TRIM2: variants seen among roughly 807,000 people sequenced by gnomAD.
TRIM2 encodes the protein tripartite motif-containing protein 2.
A neutral mutation model predicts 75.2 loss-of-function variants in TRIM2; 20 were observed. The ratio of observed to expected loss-of-function variants is 0.27; its 90% CI spans 0.19 to 0.39. The LOEUF (loss-of-function observed/expected upper bound fraction) is 0.39. TRIM2 is among the 10% of genes least tolerant of loss of function. The pLI is 1.00. For missense variants in TRIM2, 660 were observed against 990.8 expected, an observed-to-expected ratio of 0.67 and a Z score of 4.48; for synonymous variants, 373 against 388.3, an observed-to-expected ratio of 0.96 and a Z score of 0.46.
At position 153,295,334 on chromosome 4, in the gene TRIM2, A is replaced by C; in HGVS notation, c.808A>C (p.Thr270Pro). The change falls in exon 6 of 12, where the codon ACT (threonine) becomes CCT (proline). Residue 270 changes from threonine (T) to proline (P), a missense_variant. Physicochemically the swap from Thr to Pro is conservative, Grantham distance 38 (BLOSUM62 -1). Around this residue, in one of 2 missense-constraint regions of TRIM2, gnomAD observed 620 missense variants for 891.0 expected, o/e 0.70. Transcript: ENST00000338700. This position sits in a 1 kb window ranked among gnomAD's most constrained non-coding sequence, Gnocchi z 7.2. ...GCAGGTCCTCCAGTCGCAGCTGGAT[A>C]CTCTGCTCCAGGGGCAGGAGAGCAT... ...KHKVLQSQLD[T>P]LLQGQESIKS... 1 of 1,607,310 alleles carries C rather than the reference A, an allele frequency of 6.2e-7. No individual in the cohort carries two copies. Among genetic ancestry groups the C allele is most frequent in the Non-Finnish European group, 8.5e-7 (1 of 1,176,524 alleles).
intron 1 of TRIM2, among the ~76,000 whole-genome samples, chr4:153,239,431 C>T (rs1167956116): frequency 1.3e-5 from 2 of 151,474 alleles, no homozygotes; most frequent in Non-Finnish European, 2.9e-5. Context: ...CTCTCTCTCT[C>T]TCTCTCTCTC....
chr4:153,209,376 G>A (rs1343284872), intron 1 of TRIM2, among the ~76,000 whole-genome samples: 1 of 152,140 alleles, frequency 6.6e-6, no homozygotes, highest in Admixed American at 6.6e-5. Context: ...AACTCAACTG[G>A]AATTGCACTC....
chr4:153,204,454 G>T lies in TRIM2; in HGVS notation c.-77G>T. ...CCACCCTTTAACTCGGCAGCTTGAT[G>T]ACTATAATGGGCCCAGTTGTCTGCG... On this transcript the variant is annotated 5_prime_UTR_variant, in exon 1 of 12. The change abolishes an upstream ATG in the 5' untranslated region. Coordinates refer to ENST00000338700, the MANE Select transcript of TRIM2 (RefSeq NM_015271.5). 7 of 1,522,224 alleles carry T rather than the reference G, an allele frequency of 4.6e-6. No homozygotes were observed. Among genetic ancestry groups the T allele is most frequent in the Non-Finnish European group, 6.2e-6 (7 of 1,120,644 alleles). The allele number at this position is 1,522,224 out of a possible 1,614,324, so 94.3% of individuals were successfully genotyped here. A position where few individuals can be genotyped will look rare whatever the true frequency, so the allele number is the denominator to read the frequency against.
At chr4:153,214,326 C>T (rs1737901131) in intron 1 of TRIM2, among the ~76,000 whole-genome samples, 1 of 152,198 alleles carries the variant, frequency 6.6e-6, no homozygotes, top group Non-Finnish European at 1.5e-5. Context: ...GCATAGCCTC[C>T]AATAACCTGC....
At chr4:153,264,076 G>A (rs951956236) in intron 1 of TRIM2, among the ~76,000 whole-genome samples, 3 of 152,184 alleles carry the variant, frequency 2.0e-5, no homozygotes, top group African/African-American at 7.2e-5. Context: ...GCAGTGCTAG[G>A]TAACTGGTGG....
chr4:153,290,254 G>A (rs1312466460), intron 3 of TRIM2, among the ~76,000 whole-genome samples: 2 of 152,160 alleles, frequency 1.3e-5, no homozygotes, highest in Non-Finnish European at 2.9e-5. Flanking sequence ...CTTGGATTAA[G>A]AATTTTTTTC....
At chr4:153,263,773 C>A (rs1192264102) in intron 1 of TRIM2, among the ~76,000 whole-genome samples, 1 of 152,212 alleles carries the variant, frequency 6.6e-6, no homozygotes, top group Non-Finnish European at 1.5e-5. Flanking sequence ...AGGGTGCCCC[C>A]ATGGTGGGTT....
At chr4:153,218,600 C>T (rs1739119361) in intron 1 of TRIM2, among the ~76,000 whole-genome samples, 1 of 152,164 alleles carries the variant, frequency 6.6e-6, no homozygotes, top group South Asian at 2.1e-4. Flanking sequence ...TACATCCTTT[C>T]CATCTTTTAG....
chr4:153,193,565 C>G (rs1733453036), intron 1 of TRIM2, among the ~76,000 whole-genome samples: 1 of 152,282 alleles, frequency 6.6e-6, no homozygotes, highest in Admixed American at 6.5e-5. Flanking sequence ...AAACACTGTT[C>G]TAAATGATTG....
upstream of TRIM2, chr4:153,152,994 G>A (rs1032491710): frequency 6.6e-6 from 1 of 152,314 alleles, no homozygotes; most frequent in South Asian, 2.1e-4. Flanking sequence ...GGCTGAGGCC[G>A]GGTGACTGCG....
In TRIM2 at chr4:153,338,675, A is replaced by C. The variant is rs1772735422; in HGVS notation, c.*3709A>C. On this transcript the variant is annotated 3_prime_UTR_variant, in exon 12 of 12. Transcript: ENST00000338700. ...TAAGCTACAAATCATGATGCTTAAAAACTTTCTAAAGATGAATTGTGTGGC... is the reference window on the plus strand; with the variant it reads ...TAAGCTACAAATCATGATGCTTAAACACTTTCTAAAGATGAATTGTGTGGC... 1 of 985,724 alleles carries C rather than the reference A, an allele frequency of 1.0e-6. No individual in the cohort carries two copies. Among genetic ancestry groups the C allele is most frequent in the Admixed American group, 6.1e-5 (1 of 16,264 alleles). 61.1% of individuals were successfully genotyped at this position (985,724 alleles called of 1,614,324 possible).
At chr4:153,209,011 A>G (rs2149702706) in intron 1 of TRIM2, among the ~76,000 whole-genome samples, 1 of 152,320 alleles carries the variant, frequency 6.6e-6, no homozygotes, top group East Asian at 1.9e-4. Context: ...AGATTTGACA[A>G]GACTGGAGTC....
intron 6 of TRIM2, among the ~76,000 whole-genome samples, chr4:153,298,342 A>G (rs1225996489): frequency 6.6e-6 from 1 of 152,224 alleles, no homozygotes; most frequent in African/African-American, 2.4e-5. Flanking sequence ...GAACTGTTTT[A>G]GAGTTAGAAG....
intron 1 of TRIM2, among the ~76,000 whole-genome samples, chr4:153,240,557 A>G (rs1746285766): frequency 6.6e-6 from 1 of 152,198 alleles, no homozygotes; most frequent in Admixed American, 6.5e-5. Context: ...CACTGCTTCT[A>G]TTATCAGTAG....
rs555018266 is a variant in TRIM2 at position 153,308,787 on chromosome 4, C to T, written c.1511-6698C>T. 5.5e-5 allele frequency: 27 copies of T among 494,922 alleles called. No individual in the cohort carries two copies. The East Asian group carries it at 1.4e-3, about 26-fold the overall frequency. 30.7% of individuals were successfully genotyped at this position (494,922 alleles called of 1,614,324 possible). On this transcript the variant is annotated intron_variant, in intron 6 of 11. Transcript: ENST00000338700. ...TTTTGAAGGAAGCTGGGCTGGGCACCAAGACCTGAGAGCGTCCCCAGATGC... is the reference window on the plus strand; with the variant it reads ...TTTTGAAGGAAGCTGGGCTGGGCACTAAGACCTGAGAGCGTCCCCAGATGC...
intron 3 of TRIM2, among the ~76,000 whole-genome samples, chr4:153,284,755 T>A (rs1243501975): frequency 6.6e-6 from 1 of 152,230 alleles, no homozygotes; most frequent in Non-Finnish European, 1.5e-5. Context: ...GGAGAAAGTC[T>A]ATTCAAGTTC....
chr4:153,269,895 A>G (rs998266318), intron 1 of TRIM2, among the ~76,000 whole-genome samples: 1 of 152,092 alleles, frequency 6.6e-6, no homozygotes, highest in African/African-American at 2.4e-5. Flanking sequence ...GGTCACTGGC[A>G]TTGACTTCTA....
chr4:153,168,784 T>C (rs1579282917), intron 1 of TRIM2, among the ~76,000 whole-genome samples: 1 of 152,288 alleles, frequency 6.6e-6, no homozygotes, highest in African/African-American at 2.4e-5. Flanking sequence ...GTTGGTTTAA[T>C]TGCATTTTTA....
In TRIM2 at chr4:153,337,118, C is replaced by T; in HGVS notation, c.*2152C>T. The T allele has an allele frequency of 2.0e-6, 2 of 985,350 alleles. No homozygotes were observed. The highest frequency in any genetic ancestry group is 2.4e-6 in the Non-Finnish European group (2 of 829,912). 61.0% of individuals were successfully genotyped at this position (985,350 alleles called of 1,614,324 possible). A position where few individuals can be genotyped will look rare whatever the true frequency, so the allele number is the denominator to read the frequency against. ...TTTTGCCACGTACTAACGTTCTGCA[C>T]AAAAGACAGGCTAGACTCTTGTCTA... On this transcript the variant is annotated 3_prime_UTR_variant, in exon 12 of 12. Coordinates refer to ENST00000338700, the MANE Select transcript of TRIM2 (RefSeq NM_015271.5).
Sources: gnomAD v4.1 joint callset for allele counts (sites outside exome capture counted in the v4.1 genomes callset) on GRCh38, gnomAD v4.1.1 for gene constraint, gnomAD v4.1.1 regional missense constraint, Gnocchi (gnomAD v3.1) non-coding constraint, MANE v1.5 for transcripts, NCBI Gene and HGNC (gene_info 2026-07-23, HGNC 2026-07-21) for gene names.